PGR: variants seen among roughly 807,000 people sequenced by gnomAD.
PGR encodes the protein progesterone receptor.
PGR carries 25 observed loss-of-function variants against 76.1 expected under a neutral mutation model. The ratio of observed to expected loss-of-function variants is 0.33; its 90% CI spans 0.24 to 0.46. The LOEUF (loss-of-function observed/expected upper bound fraction) is 0.46. Ranked by LOEUF, PGR falls within the 20% of genes least tolerant of loss-of-function variation. The pLI, the probability that PGR is intolerant of heterozygous loss-of-function variation, is 1.00. For missense variants in PGR, 1,172 were observed against 1,225.3 expected (o/e 0.96, Z 0.65); for synonymous variants, 579 against 535.0 (o/e 1.08, Z -1.14).
At chr11:101,104,839 TC>T (rs1862101613) in intron 2 of PGR, among the ~76,000 whole-genome samples, 1 of 152,226 alleles carries the variant, frequency 6.6e-6, no homozygotes, top group East Asian at 1.9e-4. Context: ...TAAGATAGAA[TC>T]TGGCTATTAC....
At position 101,128,767 on chromosome 11, in the gene PGR, T is replaced by C. The variant is rs763755581; in HGVS notation, c.304A>G (p.Ser102Gly). ...AGTCCGCTGTCCTTTTCTGGGGGACTAGAACTGCTGCCTCCAGCACCCCTT... is the reference window on the plus strand; with the variant it reads ...AGTCCGCTGTCCTTTTCTGGGGGACCAGAACTGCTGCCTCCAGCACCCCTT... ...ATRGAGGSSS[S>G]PPEKDSGLLD... Residue 102 changes from serine to glycine, a missense_variant, in exon 1 of 8, where the codon AGT (serine) becomes GGT (glycine). By Grantham distance (56) the Ser-to-Gly change is moderately conservative. Around this residue, in one of 4 missense-constraint regions of PGR, gnomAD observed 893 missense variants for 785.9 expected, o/e 1.14. Transcript: ENST00000325455. 1.9e-6 allele frequency: 3 copies of C among 1,613,980 alleles called. No individual in the cohort carries two copies. Among genetic ancestry groups the C allele is most frequent in the Non-Finnish European group, 2.5e-6 (3 of 1,180,030 alleles).
chr11:101,086,042 C>T (rs981268647), intron 3 of PGR, among the ~76,000 whole-genome samples: 1 of 152,142 alleles, frequency 6.6e-6, no homozygotes, highest in Non-Finnish European at 1.5e-5. Context: ...GGTACCAATT[C>T]TACTGAAACT....
intron 2 of PGR, among the ~76,000 whole-genome samples, chr11:101,109,510 T>C (rs1035356076): frequency 6.6e-6 from 1 of 152,212 alleles, no homozygotes; most frequent in Non-Finnish European, 1.5e-5. Flanking sequence ...CAACATTCCC[T>C]TCAGCCAAAC....
chr11:101,097,363 C>T (rs1372014717), intron 2 of PGR, among the ~76,000 whole-genome samples: 1 of 152,212 alleles, frequency 6.6e-6, no homozygotes, highest in Non-Finnish European at 1.5e-5. Flanking sequence ...TCTGGTCTTA[C>T]CTGACTGCTC....
At chr11:101,043,055 G>C (rs1356263019) in intron 6 of PGR, among the ~76,000 whole-genome samples, 1 of 152,146 alleles carries the variant, frequency 6.6e-6, no homozygotes, top group Non-Finnish European at 1.5e-5. Flanking sequence ...GAAGTTTGCT[G>C]CATCAGTTGA....
At chr11:101,056,688 T>G (rs1860308004) in intron 4 of PGR, among the ~76,000 whole-genome samples, 1 of 150,278 alleles carries the variant, frequency 6.7e-6, no homozygotes. Flanking sequence ...TACTACTAAG[T>G]TCCCCAATCT....
intron 2 of PGR, among the ~76,000 whole-genome samples, chr11:101,112,469 C>T (rs1862373128): frequency 6.6e-6 from 1 of 151,964 alleles, no homozygotes; most frequent in Admixed American, 6.6e-5. Context: ...CTGGTAACCC[C>T]AGAAAAATGG....
At chr11:101,051,665 G>C in intron 4 of PGR, 97 bp from the exon 5 acceptor site, 1 of 877,828 alleles carries the variant, frequency 1.1e-6, no homozygotes, top group South Asian at 1.4e-5. Context: ...GGTATGCGTA[G>C]GGTAATAAAA....
At position 101,129,786 on chromosome 11, in the gene PGR, T is replaced by C. The variant is rs188439668; in HGVS notation, c.-716A>G. ...CCCACACGCACAAATACAACAAGGC[T>C]TACCCCGATTAGTGACAGCTGTGGA... On this transcript the variant is annotated 5_prime_UTR_variant, in exon 1 of 8. Transcript: ENST00000325455. The C allele has an allele frequency of 9.6e-5, 17 of 177,786 alleles. No individual in the cohort carries two copies. In the East Asian group the frequency reaches 1.6e-3, roughly 17 times the overall value. The allele number at this position is 177,786 out of a possible 1,614,324, so 11.0% of individuals were successfully genotyped here. A position where few individuals can be genotyped will look rare whatever the true frequency, so the allele number is the denominator to read the frequency against.
intron 3 of PGR, among the ~76,000 whole-genome samples, chr11:101,081,806 C>G (rs1324121464): frequency 6.6e-6 from 1 of 152,126 alleles, no homozygotes; most frequent in Admixed American, 6.5e-5. Flanking sequence ...CACATAAACA[C>G]ACTTAAGCAC....
intron 6 of PGR, among the ~76,000 whole-genome samples, chr11:101,045,847 T>G (rs773420488): frequency 5.9e-5 from 9 of 152,112 alleles, no homozygotes; most frequent in Non-Finnish European, 1.0e-4. Context: ...TCTTTTCCTT[T>G]GGGTAGATAT....
intron 4 of PGR, among the ~76,000 whole-genome samples, chr11:101,061,680 A>G (rs555542934): frequency 6.6e-6 from 1 of 152,212 alleles, no homozygotes; most frequent in African/African-American, 2.4e-5. Context: ...ATTTCTAATT[A>G]TAGGAGTAAT....
intron 3 of PGR, among the ~76,000 whole-genome samples, chr11:101,071,938 G>A (rs1401349346): frequency 1.3e-5 from 2 of 152,120 alleles, no homozygotes; most frequent in African/African-American, 4.8e-5. Context: ...CCCCAACCTA[G>A]CAAGACAGGC....
intron 6 of PGR, among the ~76,000 whole-genome samples, chr11:101,046,423 T>C (rs548108918): frequency 2.7e-5 from 4 of 148,760 alleles, no homozygotes; most frequent in African/African-American, 9.9e-5. Flanking sequence ...AAAGTGTGAT[T>C]AGAAATGTGA....
intron 3 of PGR, among the ~76,000 whole-genome samples, chr11:101,087,749 A>T (rs1861541681): frequency 1.3e-5 from 2 of 151,878 alleles, no homozygotes; most frequent in African/African-American, 4.8e-5. Flanking sequence ...AAAAAAAAAA[A>T]TCTCACCAAA....
chr11:101,049,353 A>G (rs1860008133), intron 6 of PGR, among the ~76,000 whole-genome samples: 2 of 152,148 alleles, frequency 1.3e-5, no homozygotes, highest in African/African-American at 4.8e-5. Flanking sequence ...AGTGACTCTC[A>G]ATAGAAAAGT....
rs1021399516 is a variant in PGR at position 101,033,275 on chromosome 11, A to G, written c.*5841T>C. The G allele has an allele frequency of 9.7e-6, 2 of 206,516 alleles. No homozygotes were observed. The highest frequency in any genetic ancestry group is 2.0e-5 in the Non-Finnish European group (2 of 101,144). 12.8% of individuals were successfully genotyped at this position (206,516 alleles called of 1,614,324 possible). On this transcript the variant is annotated 3_prime_UTR_variant, in exon 8 of 8. Coordinates refer to ENST00000325455, the MANE Select transcript of PGR (RefSeq NM_000926.4). ...TAGGCAAATTCTGGAAAGTATTTCT[A>G]CCTTATGGAGAACAAGCAGAGCCAC...
chr11:101,049,524 T>C (rs780501594), intron 6 of PGR, among the ~76,000 whole-genome samples: 1 of 152,130 alleles, frequency 6.6e-6, no homozygotes, highest in Non-Finnish European at 1.5e-5. Context: ...CATTGTGCTA[T>C]GATGTTATGG....
chr11:101,055,724 C>T (rs145759946), intron 4 of PGR, among the ~76,000 whole-genome samples: 2 of 152,224 alleles, frequency 1.3e-5, no homozygotes, highest in Non-Finnish European at 2.9e-5. Flanking sequence ...AAAAACAGAT[C>T]CTGTCTACAT....
Sources: gnomAD v4.1 joint callset for allele counts (sites outside exome capture counted in the v4.1 genomes callset) on GRCh38, gnomAD v4.1.1 for gene constraint, gnomAD v4.1.1 regional missense constraint, MANE v1.5 for transcripts, NCBI Gene and HGNC (gene_info 2026-07-23, HGNC 2026-07-21) for gene names.